Variants in POU6F2 observed in about 807,000 individuals in gnomAD.
POU6F2 encodes the protein POU domain, class 6, transcription factor 2.
A neutral mutation model predicts 71.3 loss-of-function variants in POU6F2; 31 were observed. That is an observed-to-expected ratio of 0.43 (90% CI 0.33 to 0.59). The LOEUF is 0.59. Ranked by LOEUF, POU6F2 falls within the 20% of genes least tolerant of loss-of-function variation. POU6F2 has a pLI of 0.04. For synonymous variants in POU6F2, 347 were observed against 355.7 expected (o/e 0.98, Z 0.27); for missense variants, 783 against 856.8 (o/e 0.91, Z 1.07).
chr7:38,999,398 G>A (rs17171514), intron 1 of POU6F2, among the ~76,000 whole-genome samples: 16,209 of 152,166 alleles, frequency 0.11, 943 homozygotes, highest in South Asian at 0.14. Context: ...GGCTGTTCAG[G>A]TACTCCATTT....
intron 4 of POU6F2, among the ~76,000 whole-genome samples, chr7:39,254,025 C>T (rs971585567): frequency 2.0e-5 from 3 of 152,088 alleles, no homozygotes; most frequent in Non-Finnish European, 4.4e-5. Flanking sequence ...GGAGAGTGTC[C>T]ATTGATCTCT....
At chr7:39,377,348 C>A (rs896274839) in intron 5 of POU6F2, among the ~76,000 whole-genome samples, 82 of 152,206 alleles carry the variant, frequency 5.4e-4, no homozygotes, top group African/African-American at 1.9e-3. Flanking sequence ...CCAGGCTGGT[C>A]TTGAACTCCT....
At chr7:39,403,671 G>A (rs1787352630) in intron 5 of POU6F2, among the ~76,000 whole-genome samples, 1 of 152,196 alleles carries the variant, frequency 6.6e-6, no homozygotes, top group Non-Finnish European at 1.5e-5. Flanking sequence ...AACATGATAT[G>A]ACTGGGGACA....
At chr7:39,048,541 T>C (rs1176850701) in intron 1 of POU6F2, among the ~76,000 whole-genome samples, 2 of 152,038 alleles carry the variant, frequency 1.3e-5, no homozygotes, top group Admixed American at 6.6e-5. Context: ...GGCTGCCTAA[T>C]AGTCCATGGT....
intron 5 of POU6F2, among the ~76,000 whole-genome samples, chr7:39,351,880 G>T (rs1284365848): frequency 1.3e-5 from 2 of 152,170 alleles, no homozygotes; most frequent in Admixed American, 6.5e-5. Flanking sequence ...CACCCACTGC[G>T]CAAATCTGCC....
intron 2 of POU6F2, among the ~76,000 whole-genome samples, chr7:39,114,295 A>G (rs17171540): frequency 0.063 from 9,663 of 152,220 alleles, 400 homozygotes; most frequent in East Asian, 0.22. Context: ...ATCTCACGGT[A>G]ATTTAAATAA....
chr7:39,324,590 C>G (rs868614180), intron 4 of POU6F2, among the ~76,000 whole-genome samples: 1 of 152,164 alleles, frequency 6.6e-6, no homozygotes, highest in Non-Finnish European at 1.5e-5. Flanking sequence ...CCTAGCCTAT[C>G]CTGACTGATC....
chr7:39,419,015 G>GTA (rs200821902), intron 6 of POU6F2, among the ~76,000 whole-genome samples: 4 of 121,744 alleles, frequency 3.3e-5, no homozygotes, highest in Non-Finnish European at 5.6e-5. Context: ...GTGTATATAT[G>GTA]TATATATATG....
intron 2 of POU6F2, among the ~76,000 whole-genome samples, chr7:39,165,231 A>G (rs914635686): frequency 6.6e-6 from 1 of 151,884 alleles, no homozygotes; most frequent in African/African-American, 2.4e-5. Context: ...AGGTGAGACT[A>G]ACCCCTCCTT....
chr7:39,110,122 T>C (rs1013931445), intron 2 of POU6F2, among the ~76,000 whole-genome samples: 1 of 151,822 alleles, frequency 6.6e-6, no homozygotes, highest in Non-Finnish European at 1.5e-5. Flanking sequence ...AATACAAAAA[T>C]TAGCTGGGTT....
intron 2 of POU6F2, among the ~76,000 whole-genome samples, chr7:39,108,874 T>C (rs1468037236): frequency 6.6e-6 from 1 of 152,192 alleles, no homozygotes; most frequent in Non-Finnish European, 1.5e-5. Flanking sequence ...ACAAAGTATA[T>C]ATTTTTATGA....
intron 4 of POU6F2, among the ~76,000 whole-genome samples, chr7:39,275,431 G>A (rs1160411333): frequency 6.6e-6 from 1 of 152,168 alleles, no homozygotes; most frequent in Non-Finnish European, 1.5e-5. Flanking sequence ...AACATTCCAT[G>A]CTCATGGGTA....
chr7:39,310,004 G>A (rs890891674), intron 4 of POU6F2, among the ~76,000 whole-genome samples: 19 of 152,138 alleles, frequency 1.2e-4, no homozygotes, highest in Non-Finnish European at 2.4e-4. Flanking sequence ...GCAGATAAGC[G>A]GTGGAGAATT....
intron 4 of POU6F2, among the ~76,000 whole-genome samples, chr7:39,281,860 T>A (rs932357403): frequency 6.6e-6 from 1 of 152,148 alleles, no homozygotes; most frequent in East Asian, 1.9e-4. Context: ...CTATTTTTAA[T>A]TTTTTTAGTA....
intron 4 of POU6F2, among the ~76,000 whole-genome samples, chr7:39,308,601 A>T (rs1049452280): frequency 5.9e-5 from 9 of 152,216 alleles, no homozygotes; most frequent in African/African-American, 2.2e-4. Flanking sequence ...GAATATCAGA[A>T]CATTATTCTC....
intron 2 of POU6F2, among the ~76,000 whole-genome samples, chr7:39,189,215 C>T (rs1793606743): frequency 6.6e-6 from 1 of 152,148 alleles, no homozygotes. Context: ...CCAGGATGGA[C>T]CATGGCAAAA....
At position 39,465,569 on chromosome 7, in the gene POU6F2, T is replaced by C. The variant is rs1043257070; in HGVS notation, c.*883T>C. On this transcript the variant is annotated 3_prime_UTR_variant, in exon 10 of 10. Transcript: ENST00000518318. ...CTCGCATTTCTCTCTTTTCCTCCATTTCTCCATCTCCCTCGCGCGTGGCTC... is the reference window on the plus strand; with the variant it reads ...CTCGCATTTCTCTCTTTTCCTCCATCTCTCCATCTCCCTCGCGCGTGGCTC... 1.3e-5 allele frequency: 2 copies of C among 152,214 alleles called. No individual in the cohort carries two copies. The highest frequency in any genetic ancestry group is 1.3e-4 in the Admixed American group (2 of 15,276). 9.4% of individuals were successfully genotyped at this position (152,214 alleles called of 1,614,324 possible).
intron 4 of POU6F2, among the ~76,000 whole-genome samples, chr7:39,306,617 G>A (rs762616877): frequency 2.6e-5 from 4 of 152,080 alleles, no homozygotes; most frequent in Non-Finnish European, 5.9e-5. Context: ...TATTGCCTTC[G>A]AGTTTTTAGG....
At chr7:39,399,194 T>G (rs1334687479) in intron 5 of POU6F2, among the ~76,000 whole-genome samples, 1 of 152,198 alleles carries the variant, frequency 6.6e-6, no homozygotes, top group East Asian at 1.9e-4. Flanking sequence ...CCTGGCCAGC[T>G]TATTTTTTCC....
Sources: gnomAD v4.1 joint callset for allele counts (sites outside exome capture counted in the v4.1 genomes callset) on GRCh38, gnomAD v4.1.1 for gene constraint, MANE v1.5 for transcripts, NCBI Gene and HGNC (gene_info 2026-07-23, HGNC 2026-07-21) for gene names.